Variants in PCF11 observed in about 807,000 individuals in gnomAD.
PCF11 encodes the protein pre-mRNA cleavage complex 2 protein Pcf11.
In PCF11, 19 loss-of-function variants were observed where a neutral mutation model predicts 166.1. That is an observed-to-expected ratio of 0.11 (90% CI 0.08 to 0.17). The LOEUF (loss-of-function observed/expected upper bound fraction) is 0.17, where lower values mean the gene tolerates loss of function less well. Among genes scored for constraint, PCF11 ranks in the 10% least tolerant of loss-of-function variants. The probability of loss-of-function intolerance (pLI) is 1.00; values close to 1 mark genes in which losing one functional copy is unlikely to be tolerated. For missense variants in PCF11, 1,565 were observed against 1,855.5 expected, an observed-to-expected ratio of 0.84 and a Z score of 2.88; for synonymous variants, 663 against 644.1, an observed-to-expected ratio of 1.03 and a Z score of -0.44.
chr11:83,177,947 C>CTT (rs35271382), intron 11 of PCF11, 128 bp downstream of exon 11: 12,135 of 301,254 alleles, frequency 0.04, 996 homozygotes, highest in African/African-American at 0.21. Context: ...TTTAGGAAGT[C>CTT]TTTTTTTTTT....
Position 83,177,703 on chromosome 11 carries a change from C to T in PCF11, c.3878-11C>T, listed in dbSNP as rs1185366794. ...GTATTAAGAAATTTGTATGTCTCTTCTTAATTGAAGAAGTAAGTGAAGTAA... is the reference window on the plus strand; with the variant it reads ...GTATTAAGAAATTTGTATGTCTCTTTTTAATTGAAGAAGTAAGTGAAGTAA... On this transcript the variant is annotated splice_polypyrimidine_tract_variant and intron_variant, in intron 10 of 15. Transcript: ENST00000298281. 3.5e-6 allele frequency: 5 copies of T among 1,422,854 alleles called. No homozygotes were observed. The African/African-American group carries it at 5.7e-5, about 16-fold the overall frequency. 88.1% of individuals were successfully genotyped at this position (1,422,854 alleles called of 1,614,324 possible).
intron 4 of PCF11, 92 bp downstream of exon 4, chr11:83,164,493 T>G: frequency 1.1e-6 from 1 of 876,034 alleles, no homozygotes; most frequent in South Asian, 1.6e-5. Context: ...ACATGTTACT[T>G]TTATTAATAG....
chr11:83,169,566 A>G (rs760648839), exon 8 of PCF11: 77 of 1,613,942 alleles, frequency 4.8e-5, no homozygotes, highest in Non-Finnish European at 6.4e-5. Flanking sequence ...GGTTTGATGG[A>G]CCACCTGGAC....
intron 4 of PCF11, 113 bp from the exon 5 acceptor site, chr11:83,165,487 G>A (rs1860414437): frequency 1.5e-6 from 1 of 689,120 alleles, no homozygotes; most frequent in Admixed American, 3.2e-5. Context: ...TTTAAATGTA[G>A]TGTTGAGTAA....
chr11:83,176,684 CG>C (rs1015719980), intron 9 of PCF11, among the ~76,000 whole-genome samples: 2 of 125,660 alleles, frequency 1.6e-5, no homozygotes, highest in South Asian at 2.7e-4. Context: ...CAGGCACAGT[CG>C]GGGGGTGGGG....
At chr11:83,175,878 T>C (rs1348782139) in intron 9 of PCF11, among the ~76,000 whole-genome samples, 3 of 152,258 alleles carry the variant, frequency 2.0e-5, no homozygotes, top group African/African-American at 7.2e-5. Context: ...GTTAGGCTTA[T>C]CTTATTTATT....
At chr11:83,181,976 A>G (rs758092930) in exon 13 of PCF11, 1 of 1,612,778 alleles carries the variant, frequency 6.2e-7, no homozygotes, top group Non-Finnish European at 8.5e-7. Context: ...AAGAGTTCCA[A>G]AGTGTACCTG....
At chr11:83,166,679 C>A (rs374073017) in exon 5 of PCF11, 1 of 1,599,356 alleles carries the variant, frequency 6.3e-7, no homozygotes, top group Non-Finnish European at 8.5e-7. Flanking sequence ...CCAAGTCTGC[C>A]AAAAGATGGA....
intron 2 of PCF11, among the ~76,000 whole-genome samples, chr11:83,162,513 A>C (rs766651246): frequency 6.6e-5 from 10 of 152,236 alleles, no homozygotes; most frequent in Non-Finnish European, 1.3e-4. Context: ...TGCTAACCAG[A>C]GGCTGTAGTC....
At chr11:83,184,933 C>T (rs371395981) in exon 16 of PCF11, 58 of 1,392,616 alleles carry the variant, frequency 4.2e-5, no homozygotes, top group Non-Finnish European at 5.3e-5. Flanking sequence ...TTTAAAAAAG[C>T]TGCTGTTGGA....
chr11:83,157,620 C>A, exon 1 of PCF11: 1 of 1,613,880 alleles, frequency 6.2e-7, no homozygotes, highest in Non-Finnish European at 8.5e-7. Context: ...CATCGAGGCC[C>A]AAACCGCCAA....
exon 5 of PCF11, chr11:83,166,238 T>G: frequency 6.2e-7 from 1 of 1,612,952 alleles, no homozygotes; most frequent in Non-Finnish European, 8.5e-7. Context: ...GAAGTAGAAA[T>G]AAAATCATAA....
chr11:83,157,424 G>A (rs772079779), exon 1 of PCF11: 7 of 1,602,704 alleles, frequency 4.4e-6, no homozygotes, highest in Non-Finnish European at 5.9e-6. Context: ...GGACCTCGGA[G>A]GGGGGCCGCG....
At chr11:83,169,079 T>A in exon 8 of PCF11, 1 of 1,613,648 alleles carries the variant, frequency 6.2e-7, no homozygotes, top group Non-Finnish European at 8.5e-7. Flanking sequence ...GTAGGTGGAC[T>A]TAGATTTGAG....
At chr11:83,163,638 A>G (rs369970062) in intron 2 of PCF11, 41 bp from the exon 3 acceptor site, 39 of 721,804 alleles carry the variant, frequency 5.4e-5, no homozygotes, top group African/African-American at 1.1e-4. Flanking sequence ...AAAATATTCT[A>G]TAGTAACTTA....
intron 15 of PCF11, chr11:83,184,151 C>CAA (rs34996416): frequency 0.095 from 7,349 of 77,272 alleles, 340 homozygotes; most frequent in Middle Eastern, 0.2. Context: ...AGCTCTGTCT[C>CAA]AAAAAAAAAA....
intron 9 of PCF11, 147 bp from the exon 10 acceptor site, chr11:83,176,938 A>G: frequency 4.3e-6 from 2 of 470,334 alleles, no homozygotes; most frequent in Non-Finnish European, 7.2e-6. Flanking sequence ...TTGAAATTAA[A>G]CTTATTAATA....
Position 83,167,820 on chromosome 11 carries a change from T to C in PCF11, c.2092+315T>C. On this transcript the variant is annotated intron_variant, in intron 7 of 15. Transcript: ENST00000298281. The surrounding 1 kb of genome is among the most constrained non-coding windows in gnomAD (Gnocchi z 4.2). ...AAGAGCAAGACGTCTTTCTCCTATA[T>C]CTGGGAGTCGTACTTATGCTGAGAA... 7.5e-7 allele frequency: 1 copy of C among 1,334,324 alleles called. No homozygotes were observed. The highest frequency in any genetic ancestry group is 9.8e-7 in the Non-Finnish European group (1 of 1,018,798). The allele number at this position is 1,334,324 out of a possible 1,614,324, so 82.7% of individuals were successfully genotyped here. A position where few individuals can be genotyped will look rare whatever the true frequency, so the allele number is the denominator to read the frequency against.
In PCF11 at chr11:83,181,009, C is replaced by T. The variant is rs775598546; in HGVS notation, c.3985C>T (p.Arg1329Cys). Residue 1329 changes from arginine to cysteine, a missense_variant and splice_region_variant, in exon 12 of 16, where the codon CGT becomes TGT. Physicochemically the swap from Arg to Cys is radical, Grantham distance 180 (BLOSUM62 -3). This residue lies in a region of PCF11 where 81 missense variants were observed against 141.8 expected (regional missense o/e 0.57). Coordinates refer to ENST00000298281, the Ensembl canonical transcript of PCF11. ...AAGATTATTTCTTTTTCAAAATAGA[C>T]GTTATGACAGTGTTATAAATCGACT... 12 of 1,515,172 alleles carry T rather than the reference C, an allele frequency of 7.9e-6. No homozygotes were observed. Among genetic ancestry groups the T allele is most frequent in the Non-Finnish European group, 1.1e-5 (12 of 1,111,114 alleles). The allele number at this position is 1,515,172 out of a possible 1,614,324, so 93.9% of individuals were successfully genotyped here. A position where few individuals can be genotyped will look rare whatever the true frequency, so the allele number is the denominator to read the frequency against.
Sources: allele counts gnomAD v4.1 joint callset (sites outside exome capture counted in the v4.1 genomes callset), GRCh38; gene constraint gnomAD v4.1.1; regional missense constraint gnomAD v4.1.1; non-coding constraint Gnocchi (gnomAD v3.1); transcripts MANE v1.5; gene names NCBI Gene and HGNC (gene_info 2026-07-23, HGNC 2026-07-21).